Variants in EMC1 observed in about 807,000 individuals in gnomAD.
EMC1 encodes the protein KIAA0090.
In EMC1, 103 loss-of-function variants were observed where a neutral mutation model predicts 128.8. The ratio of observed to expected loss-of-function variants is 0.80; its 90% CI spans 0.68 to 0.94. The LOEUF (loss-of-function observed/expected upper bound fraction) is 0.94, where lower values mean the gene tolerates loss of function less well. Ranked by LOEUF, EMC1 falls within the 40% of genes least tolerant of loss-of-function variation. The pLI is 0.00. For synonymous variants in EMC1, 442 were observed against 490.4 expected (o/e 0.90, Z 1.30); for missense variants, 1,083 against 1,250.6 (o/e 0.87, Z 2.02).
chr1:19,234,342 G>A (rs1774076), intron 13 of EMC1, among the ~76,000 whole-genome samples: 5,805 of 152,226 alleles, frequency 0.038, 342 homozygotes, highest in African/African-American at 0.13. Context: ...AGGGTGGGGG[G>A]CAGGACTGAA....
At chr1:19,226,975 C>A (rs1320585448) in intron 18 of EMC1, among the ~76,000 whole-genome samples, 1 of 151,840 alleles carries the variant, frequency 6.6e-6, no homozygotes, top group Non-Finnish European at 1.5e-5. Flanking sequence ...TGCAGTGAGC[C>A]ATGACTGCAT....
chr1:19,234,920 G>A (rs918813623), intron 13 of EMC1, among the ~76,000 whole-genome samples: 2 of 152,080 alleles, frequency 1.3e-5, no homozygotes, highest in Non-Finnish European at 2.9e-5. Context: ...TTCCCTAGAA[G>A]GATTCACAGT....
intron 13 of EMC1, chr1:19,234,276 A>G: frequency 7.9e-6 from 5 of 629,166 alleles, no homozygotes; most frequent in Non-Finnish European, 9.9e-6. Flanking sequence ...TGCCTGGTCC[A>G]GAGCAGGCCC....
In EMC1 at chr1:19,251,500, C is replaced by G. The variant is rs1485655637; in HGVS notation, c.10G>C (p.Glu4Gln). The change falls in exon 1 of 23, where the codon GAG becomes CAG. Residue 4 changes from glutamate (E) to glutamine (Q), a missense_variant. Coordinates refer to ENST00000477853, the MANE Select transcript of EMC1 (RefSeq NM_015047.3). MAA[E>Q]WASRFWLWAT... Reference sequence around the variant, plus strand: ...CAAAGCCAGAAACGAGAAGCCCACTCAGCCGCCATGATGCGAGCGCATGCA... The same window carrying G: ...CAAAGCCAGAAACGAGAAGCCCACTGAGCCGCCATGATGCGAGCGCATGCA... The G allele has an allele frequency of 1.2e-6, 2 of 1,614,004 alleles. No individual in the cohort carries two copies. The highest frequency in any genetic ancestry group is 1.7e-6 in the Non-Finnish European group (2 of 1,180,046).
chr1:19,225,430 T>C (rs940875395), intron 18 of EMC1, among the ~76,000 whole-genome samples: 11 of 152,118 alleles, frequency 7.2e-5, no homozygotes, highest in Admixed American at 1.3e-4. Flanking sequence ...GGCGGGCAGA[T>C]CACGAGATCA....
intron 20 of EMC1, among the ~76,000 whole-genome samples, chr1:19,222,368 G>T (rs941037145): frequency 2.0e-5 from 3 of 152,078 alleles, no homozygotes; most frequent in African/African-American, 7.2e-5. Flanking sequence ...TCACACCACT[G>T]CACTCCAGCC....
At chr1:19,229,757 T>C (rs1048224565) in intron 17 of EMC1, among the ~76,000 whole-genome samples, 11 of 152,212 alleles carry the variant, frequency 7.2e-5, no homozygotes, top group African/African-American at 2.2e-4. Context: ...TCAGATGGCA[T>C]TTACCATGTG....
chr1:19,223,505 A>C lies in EMC1; in HGVS notation c.2267T>G (p.Phe756Cys). Reference protein sequence around the residue: ...ESTDAHHERTFIGIFLIDGVT... With the variant: ...ESTDAHHERTCIGIFLIDGVT... ...GCCATCAATGAGGAAGATGCCAATA[A>C]AGGTGCGCTCATGGTGCGCGTCTGT... is the stretch of plus-strand genomic sequence containing the variant. Residue 756 changes from phenylalanine (F) to cysteine (C), a missense_variant, in exon 19 of 23, where the codon TTT becomes TGT. Coordinates refer to ENST00000477853, the MANE Select transcript of EMC1 (RefSeq NM_015047.3). 1.2e-6 allele frequency: 2 copies of C among 1,614,140 alleles called. No individual in the cohort carries two copies.
intron 17 of EMC1, 122 bp downstream of exon 17, chr1:19,230,722 A>G (rs2093514659): frequency 7.8e-7 from 1 of 1,275,520 alleles, no homozygotes; most frequent in African/African-American, 1.5e-5. Context: ...TGTATCAGAC[A>G]TCAGGATTAT....
At chr1:19,227,264 T>G (rs773449272) in intron 18 of EMC1, 49 bp downstream of exon 18, 1 of 1,608,726 alleles carries the variant, frequency 6.2e-7, no homozygotes, top group Non-Finnish European at 8.5e-7. Flanking sequence ...GCCCTTGTTT[T>G]CCTGATTCGA....
Position 19,223,424 on chromosome 1 carries a change from T to C in EMC1, c.2348A>G (p.His783Arg), listed in dbSNP as rs2093447298. The C allele has an allele frequency of 1.2e-6, 2 of 1,614,082 alleles. No homozygotes were observed. The highest frequency in any genetic ancestry group is 1.3e-5 in the African/African-American group (1 of 75,056). The change falls in exon 19 of 23, where the codon CAT becomes CGT. Residue 783 changes from histidine to arginine, a missense_variant. Transcript: ENST00000477853. ...SVQKKAKGPV[H>R]IVHSENWVVY... is the part of the protein sequence containing the mutation. The stretch of plus-strand genomic sequence containing the variant: ...CACCCAGTTCTCTGAATGCACGATA[T>C]GGACAGGGCCTTTGGCTTTCTTCTG...
intron 17 of EMC1, among the ~76,000 whole-genome samples, chr1:19,228,328 G>A (rs1294062362): frequency 2.0e-5 from 3 of 152,068 alleles, no homozygotes; most frequent in Admixed American, 6.6e-5. Context: ...TAAACTCCAA[G>A]ATCCCTGTAT....
intron 20 of EMC1, 156 bp from the exon 21 acceptor site, chr1:19,221,004 C>T (rs923013554): frequency 2.4e-5 from 13 of 535,020 alleles, no homozygotes; most frequent in Admixed American, 1.4e-4. Flanking sequence ...TCCAATGATA[C>T]GCATGGGTCT....
chr1:19,240,594 C>A, intron 6 of EMC1, 148 bp from the exon 7 acceptor site: 1 of 782,012 alleles, frequency 1.3e-6, no homozygotes, highest in Non-Finnish European at 2.0e-6. Context: ...TCTTCCTGTC[C>A]CCTGAAACCC....
intron 17 of EMC1, 139 bp downstream of exon 17, chr1:19,230,705 T>C: frequency 8.6e-7 from 1 of 1,161,874 alleles, no homozygotes; most frequent in Non-Finnish European, 1.2e-6. Context: ...GAACAAATGA[T>C]TGACTTTGTA....
chr1:19,242,469 G>A lies in EMC1; in HGVS notation c.385C>T (p.Gln129Ter), dbSNP rs752142992. The A allele has an allele frequency of 1.2e-6, 2 of 1,614,108 alleles. No individual in the cohort carries two copies. Among genetic ancestry groups the A allele is most frequent in the Non-Finnish European group, 1.7e-6 (2 of 1,180,014 alleles). Reference sequence around the variant, plus strand: ...TGCAGGCCAACCAGCCCAAGTGCCTGGAAACTGAACACAAGTACAGGTTGA... The same window carrying A: ...TGCAGGCCAACCAGCCCAAGTGCCTAGAAACTGAACACAAGTACAGGTTGA... ...WEITLDSGSFQALGLVGLQES... is the reference protein window; with the variant it reads ...WEITLDSGSF The change falls in exon 5 of 23, where the codon CAG (glutamine) becomes TAG (stop). Residue 129 changes from glutamine (Q) to a stop codon, truncating the protein, a stop_gained. Coordinates refer to ENST00000477853, the MANE Select transcript of EMC1 (RefSeq NM_015047.3). LOFTEE classifies it high-confidence loss of function.
chr1:19,225,602 G>A (rs6684443), intron 18 of EMC1, among the ~76,000 whole-genome samples: 2,252 of 152,084 alleles, frequency 0.015, 47 homozygotes, highest in African/African-American at 0.049. Context: ...AGCCAAGATC[G>A]TGCCACTGCA....
chr1:19,237,943 A>C lies in EMC1; in HGVS notation c.1212+74T>G. 3 of 1,559,576 alleles carry C rather than the reference A, an allele frequency of 1.9e-6. No homozygotes were observed. In the East Asian group the frequency reaches 6.9e-5, roughly 36 times the overall value. ...GCCTAATCCAAGCCCCATGGCTAAG[A>C]CCTGGCCCTGAGGAAAGGAAGCCAT... On this transcript the variant is annotated intron_variant, in intron 11 of 22. Coordinates refer to ENST00000477853, the MANE Select transcript of EMC1 (RefSeq NM_015047.3).
intron 18 of EMC1, among the ~76,000 whole-genome samples, chr1:19,226,838 T>C (rs562251975): frequency 1.3e-5 from 2 of 151,974 alleles, no homozygotes; most frequent in South Asian, 4.2e-4. Context: ...CCTCTCAAAA[T>C]GCTGGGATTA....
Sources: allele counts gnomAD v4.1 joint callset (sites outside exome capture counted in the v4.1 genomes callset), GRCh38; gene constraint gnomAD v4.1.1; transcripts MANE v1.5; gene names NCBI Gene and HGNC (gene_info 2026-07-23, HGNC 2026-07-21).